Variants in PPM1H observed in about 807,000 individuals in gnomAD.
PPM1H encodes the protein protein phosphatase, Mg2+/Mn2+ dependent 1H, also known as protein phosphatase 1H.
A neutral mutation model predicts 54.9 loss-of-function variants in PPM1H; 27 were observed. The ratio of observed to expected loss-of-function variants is 0.49; its 90% CI spans 0.36 to 0.68. The LOEUF (loss-of-function observed/expected upper bound fraction) is 0.68. Ranked by LOEUF, PPM1H falls within the 30% of genes least tolerant of loss-of-function variation. The probability of loss-of-function intolerance (pLI) is 0.00; values close to 1 mark genes in which losing one functional copy is unlikely to be tolerated. For missense variants in PPM1H, 596 were observed against 667.8 expected, an observed-to-expected ratio of 0.89 and a Z score of 1.19; for synonymous variants, 305 against 270.8, an observed-to-expected ratio of 1.13 and a Z score of -1.24.
chr12:62,785,428 T>C (rs748857651), intron 4 of PPM1H, among the ~76,000 whole-genome samples: 2 of 152,196 alleles, frequency 1.3e-5, no homozygotes, highest in Non-Finnish European at 2.9e-5. Context: ...CCGCCCGCCT[T>C]GGCCTCCCAA....
chr12:62,684,029 A>T (rs1008750524), intron 8 of PPM1H, among the ~76,000 whole-genome samples: 1 of 152,222 alleles, frequency 6.6e-6, no homozygotes, highest in Non-Finnish European at 1.5e-5. Flanking sequence ...TTGAGTTAAC[A>T]AATCCTATCC....
intron 8 of PPM1H, among the ~76,000 whole-genome samples, chr12:62,678,334 TC>T (rs1330397006): frequency 6.6e-6 from 1 of 152,198 alleles, no homozygotes; most frequent in Non-Finnish European, 1.5e-5. Context: ...AGCTGAAACA[TC>T]CAAATGAAAT....
At chr12:62,693,661 CTG>C (rs1247847069) in intron 7 of PPM1H, among the ~76,000 whole-genome samples, 1 of 152,272 alleles carries the variant, frequency 6.6e-6, no homozygotes, top group East Asian at 1.9e-4. Flanking sequence ...TGTTTAAACA[CTG>C]TAAAAAGTTA....
chr12:62,651,981 T>C (rs991233426), intron 9 of PPM1H, among the ~76,000 whole-genome samples: 2 of 152,224 alleles, frequency 1.3e-5, no homozygotes, highest in African/African-American at 4.8e-5. Context: ...CACAAGTCCT[T>C]CTCTCTGATG....
At chr12:62,661,077 C>T (rs2075880074) in intron 9 of PPM1H, among the ~76,000 whole-genome samples, 1 of 152,156 alleles carries the variant, frequency 6.6e-6, no homozygotes, top group South Asian at 2.1e-4. Context: ...TGTTGACATT[C>T]TGCTCCCCAC....
At chr12:62,877,046 A>G (rs1234117298) in intron 1 of PPM1H, among the ~76,000 whole-genome samples, 1 of 152,190 alleles carries the variant, frequency 6.6e-6, no homozygotes, top group Non-Finnish European at 1.5e-5. Flanking sequence ...TATTTCTTGC[A>G]GTCTCTAATC....
chr12:62,658,953 C>G, intron 9 of PPM1H: 1 of 703,106 alleles, frequency 1.4e-6, no homozygotes, highest in Admixed American at 1.8e-5. Flanking sequence ...GACAACAGGG[C>G]TCATAGAAGG....
intron 2 of PPM1H, among the ~76,000 whole-genome samples, chr12:62,818,565 T>C (rs1483724799): frequency 6.6e-6 from 1 of 151,352 alleles, no homozygotes; most frequent in African/African-American, 2.4e-5. Context: ...GAATTGTAGA[T>C]TTCCTTCTTT....
At chr12:62,906,856 T>C (rs372290544) in intron 1 of PPM1H, among the ~76,000 whole-genome samples, 4 of 152,338 alleles carry the variant, frequency 2.6e-5, no homozygotes, top group East Asian at 3.9e-4. Context: ...CAATCAGACA[T>C]GTATAGCGTA....
intron 1 of PPM1H, among the ~76,000 whole-genome samples, chr12:62,895,526 GGTTT>G (rs1281511574): frequency 6.6e-6 from 1 of 152,106 alleles, no homozygotes; most frequent in Non-Finnish European, 1.5e-5. Context: ...GTTTGCATAG[GGTTT>G]GTTTGTTTGA....
At chr12:62,805,773 T>C (rs1162764880) in intron 2 of PPM1H, among the ~76,000 whole-genome samples, 1 of 152,238 alleles carries the variant, frequency 6.6e-6, no homozygotes, top group Non-Finnish European at 1.5e-5. Context: ...GGATCGAATG[T>C]ACAGTATGGT....
At chr12:62,753,406 C>T (rs778324087) in intron 4 of PPM1H, among the ~76,000 whole-genome samples, 8 of 152,236 alleles carry the variant, frequency 5.3e-5, no homozygotes, top group Non-Finnish European at 1.2e-4. Flanking sequence ...AATATACTCA[C>T]GTGGATTGTT....
At chr12:62,840,421 C>G (rs1308650946) in intron 1 of PPM1H, among the ~76,000 whole-genome samples, 1 of 152,180 alleles carries the variant, frequency 6.6e-6, no homozygotes. Context: ...GGGAGGGATG[C>G]ACACATTTAG....
At chr12:62,864,358 A>G (rs1288563493) in intron 1 of PPM1H, among the ~76,000 whole-genome samples, 1 of 152,218 alleles carries the variant, frequency 6.6e-6, no homozygotes, top group African/African-American at 2.4e-5. Context: ...AAAAAATCAG[A>G]AATAGGCATT....
intron 1 of PPM1H, among the ~76,000 whole-genome samples, chr12:62,909,585 T>TG (rs1270105271): frequency 6.6e-6 from 1 of 152,236 alleles, no homozygotes; most frequent in East Asian, 1.9e-4. Flanking sequence ...TGTCACTCTC[T>TG]GATTTCACTC....
At chr12:62,744,708 C>T (rs1456269158) in intron 4 of PPM1H, among the ~76,000 whole-genome samples, 6 of 152,198 alleles carry the variant, frequency 3.9e-5, no homozygotes, top group Admixed American at 3.9e-4. Flanking sequence ...GCAGGCCTCA[C>T]GGGGGAAGCT....
intron 1 of PPM1H, among the ~76,000 whole-genome samples, chr12:62,851,631 G>A (rs1316002050): frequency 2.6e-5 from 4 of 151,882 alleles, no homozygotes; most frequent in African/African-American, 9.7e-5. Flanking sequence ...TGAACCCGGG[G>A]GGTGAAGGTT....
chr12:62,906,675 T>G (rs1871311684), intron 1 of PPM1H, among the ~76,000 whole-genome samples: 1 of 152,174 alleles, frequency 6.6e-6, no homozygotes, highest in African/African-American at 2.4e-5. Context: ...GTTATCCACT[T>G]CTTCCATCAC....
intron 7 of PPM1H, 132 bp downstream of exon 7, chr12:62,693,804 A>C: frequency 1.3e-6 from 1 of 773,248 alleles, no homozygotes. Context: ...GATGGATGGG[A>C]TATGCTTTCA....
Sources: gnomAD v4.1 joint callset for allele counts (sites outside exome capture counted in the v4.1 genomes callset) on GRCh38, gnomAD v4.1.1 for gene constraint, MANE v1.5 for transcripts, NCBI Gene and HGNC (gene_info 2026-07-23, HGNC 2026-07-21) for gene names.